Variants in ZFPM2 observed in about 807,000 individuals in gnomAD.
The protein encoded by ZFPM2 is zinc finger protein, FOG family member 2, also known as zinc finger protein ZFPM2.
Under a neutral mutation model 98.6 loss-of-function variants are expected in ZFPM2, and 20 were observed. The ratio of observed to expected loss-of-function variants is 0.20; its 90% confidence interval spans 0.14 to 0.29. ZFPM2 has a LOEUF of 0.29. Ranked by LOEUF, ZFPM2 falls within the 10% of genes least tolerant of loss-of-function variation. The probability of loss-of-function intolerance (pLI) is 1.00; values close to 1 mark genes in which losing one functional copy is unlikely to be tolerated. For missense variants in ZFPM2, 1,310 were observed against 1,388.6 expected, an observed-to-expected ratio of 0.94 and a Z score of 0.90; for synonymous variants, 518 against 502.7, an observed-to-expected ratio of 1.03 and a Z score of -0.41.
At chr8:105,549,518 TCTTCCTTCCTTC>T (rs766530405) in intron 3 of ZFPM2, among the ~76,000 whole-genome samples, 313 of 48,486 alleles carry the variant, frequency 6.5e-3, no homozygotes, top group Non-Finnish European at 8.6e-3. Context: ...CTCCCTCCCA[TCTTCCTTCCTTC>T]CTTCCTTCCT....
chr8:105,331,188 C>CACAT (rs762437290), intron 1 of ZFPM2, among the ~76,000 whole-genome samples: 151 of 149,462 alleles, frequency 1.0e-3, no homozygotes, highest in South Asian at 2.1e-3. Flanking sequence ...CACACACACA[C>CACAT]ATATATATAC....
chr8:105,681,617 A>G (rs1383960724), intron 5 of ZFPM2, among the ~76,000 whole-genome samples: 1 of 152,144 alleles, frequency 6.6e-6, no homozygotes, highest in Non-Finnish European at 1.5e-5. Context: ...AGGAAGAGTA[A>G]TAACTACCTT....
chr8:105,421,326 A>G (rs1481022), intron 2 of ZFPM2, among the ~76,000 whole-genome samples: 4,293 of 152,252 alleles, frequency 0.028, 90 homozygotes, highest in Non-Finnish European at 0.043. Flanking sequence ...AGACCATATT[A>G]AATAATATGT....
chr8:105,727,536 C>G (rs1811841428), intron 5 of ZFPM2, among the ~76,000 whole-genome samples: 1 of 151,616 alleles, frequency 6.6e-6, no homozygotes, highest in Non-Finnish European at 1.5e-5. Flanking sequence ...GTAGTTTTAA[C>G]CTGTTCTCTC....
chr8:105,725,126 AT>A, intron 5 of ZFPM2, among the ~76,000 whole-genome samples: 3 of 151,718 alleles, frequency 2.0e-5, no homozygotes, highest in Admixed American at 2.0e-4. Context: ...AACTGATTTG[AT>A]TTTCTACAGT....
chr8:105,473,568 T>A (rs560791629), intron 3 of ZFPM2, among the ~76,000 whole-genome samples: 1 of 152,230 alleles, frequency 6.6e-6, no homozygotes, highest in Non-Finnish European at 1.5e-5. Flanking sequence ...AAGAAAAGAA[T>A]CAGCTATGCC....
rs112397529 is a variant in ZFPM2, at chr8:105,360,513, C to T, written c.40+41532C>T. Among the ~76,000 whole-genome samples the T allele has an allele frequency of 9.0e-3, 1,375 of 152,092 alleles. 17 individuals are homozygous for T. Among genetic ancestry groups the T allele is most frequent in the African/African-American group, 0.032 (1,308 of 41,484 alleles). On this transcript the variant is annotated intron_variant, in intron 1 of 7. Coordinates refer to ENST00000407775, the MANE Select transcript of ZFPM2 (RefSeq NM_012082.4). ...TATACTTTAAGTTTTAGGGTACATGCGCACAATGTGCAAGTTAGTTACGTA... is the reference window on the plus strand; with the variant it reads ...TATACTTTAAGTTTTAGGGTACATGTGCACAATGTGCAAGTTAGTTACGTA...
At chr8:105,775,543 C>T (rs925876292) in intron 5 of ZFPM2, among the ~76,000 whole-genome samples, 1 of 152,090 alleles carries the variant, frequency 6.6e-6, no homozygotes, top group Non-Finnish European at 1.5e-5. Flanking sequence ...GTTAGGGGCT[C>T]AGCTGGGAGT....
At chr8:105,366,817 G>C (rs567228937) in intron 1 of ZFPM2, among the ~76,000 whole-genome samples, 4 of 151,674 alleles carry the variant, frequency 2.6e-5, no homozygotes, top group East Asian at 3.9e-4. Context: ...TGTCCTGAAT[G>C]GTAATGCCTA....
intron 5 of ZFPM2, chr8:105,662,737 A>G (rs1817415739): frequency 6.6e-6 from 1 of 151,496 alleles, no homozygotes; most frequent in Non-Finnish European, 1.5e-5. Flanking sequence ...ATAAAGGATT[A>G]CTCAATATAC....
At chr8:105,775,077 TAAAAAAA>T (rs397968210) in intron 5 of ZFPM2, among the ~76,000 whole-genome samples, 3 of 104,934 alleles carry the variant, frequency 2.9e-5, no homozygotes, top group South Asian at 3.0e-4. Context: ...CTCTTGGAAT[TAAAAAAA>T]AAAAAAAAAA....
At position 105,468,659 on chromosome 8, in the gene ZFPM2, TA is replaced by T. The variant is rs1812839137; in HGVS notation, c.301+24281del. Among the ~76,000 whole-genome samples, 3 of 152,118 alleles carry T rather than the reference TA, an allele frequency of 2.0e-5. No homozygotes were observed. The South Asian group carries it at 6.2e-4, about 32-fold the overall frequency. ...GTAGATAGTCTTTATGCCCTATACC[TA>T]AATCACCAGGAAAAATAATAGCTTA... is the stretch of plus-strand genomic sequence containing the variant. On this transcript the variant is annotated intron_variant, in intron 3 of 7. Coordinates refer to ENST00000407775, the MANE Select transcript of ZFPM2 (RefSeq NM_012082.4).
At chr8:105,771,690 G>T (rs1812980976) in intron 5 of ZFPM2, among the ~76,000 whole-genome samples, 2 of 152,068 alleles carry the variant, frequency 1.3e-5, no homozygotes. Flanking sequence ...CAACAGCGTT[G>T]GCAGAAAGCC....
At chr8:105,388,094 TATG>T (rs1811037454) in intron 1 of ZFPM2, among the ~76,000 whole-genome samples, 1 of 152,170 alleles carries the variant, frequency 6.6e-6, no homozygotes, top group African/African-American at 2.4e-5. Context: ...TGATAAAAGA[TATG>T]ATATGTGATG....
intron 5 of ZFPM2, among the ~76,000 whole-genome samples, chr8:105,774,862 C>T (rs1813062386): frequency 6.6e-6 from 1 of 151,942 alleles, no homozygotes; most frequent in East Asian, 1.9e-4. Flanking sequence ...ATGCTAAAAT[C>T]CAGCTTTTGG....
At chr8:105,436,626 C>T (rs765980105) in intron 2 of ZFPM2, among the ~76,000 whole-genome samples, 4 of 152,026 alleles carry the variant, frequency 2.6e-5, no homozygotes, top group African/African-American at 4.8e-5. Context: ...GCCATGTAGT[C>T]GACTTTGACG....
At chr8:105,777,309 A>T (rs1813124570) in intron 5 of ZFPM2, among the ~76,000 whole-genome samples, 1 of 152,226 alleles carries the variant, frequency 6.6e-6, no homozygotes, top group South Asian at 2.1e-4. Context: ...AAAGAGCATA[A>T]AAAGTTTGCG....
chr8:105,712,961 C>T (rs1275648953), intron 5 of ZFPM2, among the ~76,000 whole-genome samples: 3 of 151,770 alleles, frequency 2.0e-5, no homozygotes, highest in Non-Finnish European at 2.9e-5. Context: ...TTGATTCTGT[C>T]CTAGTGGAAT....
intron 5 of ZFPM2, among the ~76,000 whole-genome samples, chr8:105,725,561 CA>C (rs1462555476): frequency 1.3e-5 from 2 of 151,610 alleles, no homozygotes; most frequent in Non-Finnish European, 2.9e-5. Context: ...ATAATTATAC[CA>C]GTACTTCAGG....
Sources: gnomAD v4.1 joint callset for allele counts (sites outside exome capture counted in the v4.1 genomes callset) on GRCh38, gnomAD v4.1.1 for gene constraint, MANE v1.5 for transcripts, NCBI Gene and HGNC (gene_info 2026-07-23, HGNC 2026-07-21) for gene names.